The following NWD2 variants were observed in gnomAD, a reference collection of about 807,000 sequenced individuals.
NWD2 encodes the protein NACHT and WD repeat domain containing 2.
In NWD2, 37 loss-of-function variants were observed where a neutral mutation model predicts 132.7. The ratio of observed to expected loss-of-function variants is 0.28; its 90% CI spans 0.21 to 0.37. NWD2 has a LOEUF of 0.37. Among genes scored for constraint, NWD2 ranks in the 10% least tolerant of loss-of-function variants. NWD2 has a pLI of 1.00. For missense variants in NWD2, 1,592 were observed against 2,122.4 expected (o/e 0.75, Z 4.91); for synonymous variants, 705 against 803.0 (o/e 0.88, Z 2.06).
At chr4:37,434,934 A>G (rs1221469692) in intron 5 of NWD2, among the ~76,000 whole-genome samples, 1 of 152,106 alleles carries the variant, frequency 6.6e-6, no homozygotes. Flanking sequence ...CTAATTTAGC[A>G]TTAAAATAAA....
rs1270940983 is a variant in NWD2, at chr4:37,306,973, G to A, written c.152-18963G>A. Among the ~76,000 whole-genome samples the A allele has an allele frequency of 4.6e-5, 7 of 150,858 alleles. No homozygotes were observed. In the East Asian group the frequency reaches 5.9e-4, roughly 13 times the overall value. ...CGGGAGGTGGAGGTTGTAGTGAGCC[G>A]AGATTGCGCCACTGCACTCCAGCCT... On this transcript the variant is annotated intron_variant, in intron 1 of 6. Coordinates refer to ENST00000309447, the MANE Select transcript of NWD2 (RefSeq NM_001144990.2).
At chr4:37,426,376 T>C (rs563474118) in intron 3 of NWD2, among the ~76,000 whole-genome samples, 1 of 152,306 alleles carries the variant, frequency 6.6e-6, no homozygotes, top group African/African-American at 2.4e-5. Flanking sequence ...TATTATTACT[T>C]TTCTGAAGTT....
intron 3 of NWD2, among the ~76,000 whole-genome samples, chr4:37,428,356 G>A (rs1341244387): frequency 6.6e-6 from 1 of 152,194 alleles, no homozygotes; most frequent in Admixed American, 6.5e-5. Flanking sequence ...AGATTGAACA[G>A]AAAGTGTCTC....
At chr4:37,338,178 T>C (rs1719448276) in intron 2 of NWD2, among the ~76,000 whole-genome samples, 1 of 152,234 alleles carries the variant, frequency 6.6e-6, no homozygotes, top group Non-Finnish European at 1.5e-5. Flanking sequence ...TCATTGAGTC[T>C]AAGATGCATG....
In NWD2 at chr4:37,245,163, T is replaced by C. The variant is rs752454124; in HGVS notation, c.96T>C (p.Ser32=). The C allele has an allele frequency of 6.5e-6, 10 of 1,546,182 alleles. No individual in the cohort carries two copies. Among genetic ancestry groups the C allele is most frequent in the Non-Finnish European group, 8.7e-6 (10 of 1,146,290 alleles). Residue 32 remains serine (S), a synonymous_variant, in exon 1 of 7, where the codon TCT becomes TCC. Transcript: ENST00000309447. ...AFSGNLTALP[S]HLVPAGRSVR... ...CTGGGAACCTCACGGCCCTGCCCTC[T>C]CACCTCGTGCCCGCCGGCCGCAGCG...
intron 1 of NWD2, among the ~76,000 whole-genome samples, chr4:37,323,424 A>G (rs1488576745): frequency 6.6e-6 from 1 of 152,214 alleles, no homozygotes. Flanking sequence ...GCAAGTGGCC[A>G]AGAAACATGA....
intron 3 of NWD2, among the ~76,000 whole-genome samples, chr4:37,402,780 C>A (rs1720921929): frequency 6.6e-6 from 1 of 152,306 alleles, no homozygotes; most frequent in Non-Finnish European, 1.5e-5. Flanking sequence ...ATTTCCTCAT[C>A]TCTGAAATGA....
chr4:37,390,409 A>ATGG (rs3064358), intron 3 of NWD2, among the ~76,000 whole-genome samples: 1 of 150,004 alleles, frequency 6.7e-6, no homozygotes, highest in South Asian at 2.1e-4. Context: ...ATAATCTGAA[A>ATGG]TTTTTTTTTT....
chr4:37,365,826 C>A (rs1277525057), intron 3 of NWD2, among the ~76,000 whole-genome samples: 1 of 152,092 alleles, frequency 6.6e-6, no homozygotes, highest in Non-Finnish European at 1.5e-5. Context: ...TGTAAGAAAG[C>A]ATTTTTTTAT....
At chr4:37,268,631 AG>A (rs746553615) in intron 1 of NWD2, among the ~76,000 whole-genome samples, 8 of 151,900 alleles carry the variant, frequency 5.3e-5, no homozygotes, top group Admixed American at 2.0e-4. Flanking sequence ...TTATGTAGAA[AG>A]ATCATTCATT....
At chr4:37,264,973 G>T (rs994877994) in intron 1 of NWD2, among the ~76,000 whole-genome samples, 2 of 152,048 alleles carry the variant, frequency 1.3e-5, no homozygotes, top group Non-Finnish European at 2.9e-5. Context: ...GGTAGAATGA[G>T]CCAGGAAACT....
intron 1 of NWD2, among the ~76,000 whole-genome samples, chr4:37,253,787 A>G (rs571815231): frequency 1.2e-4 from 19 of 152,356 alleles, no homozygotes; most frequent in Non-Finnish European, 2.2e-4. Context: ...GTAGATTGAT[A>G]TGCAGCAATA....
chr4:37,245,899 T>G (rs901484474), intron 1 of NWD2, among the ~76,000 whole-genome samples: 1 of 152,192 alleles, frequency 6.6e-6, no homozygotes, highest in Non-Finnish European at 1.5e-5. Context: ...AGGCACCTGG[T>G]AGGCACTCCA....
intron 3 of NWD2, among the ~76,000 whole-genome samples, chr4:37,392,125 TG>T (rs1460393285): frequency 6.6e-6 from 1 of 152,092 alleles, no homozygotes; most frequent in East Asian, 1.9e-4. Flanking sequence ...TGCTGGAACC[TG>T]GGAGGCAGAG....
intron 1 of NWD2, among the ~76,000 whole-genome samples, chr4:37,265,903 G>A (rs781327464): frequency 6.6e-6 from 1 of 151,928 alleles, no homozygotes; most frequent in African/African-American, 2.4e-5. Context: ...CTTTCAGGGG[G>A]CCATTATTTA....
intron 5 of NWD2, among the ~76,000 whole-genome samples, chr4:37,434,641 G>GA (rs951544851): frequency 1.4e-4 from 22 of 152,174 alleles, no homozygotes; most frequent in African/African-American, 5.1e-4. Context: ...AATTACGGAA[G>GA]AAAATCAGAA....
intron 2 of NWD2, among the ~76,000 whole-genome samples, chr4:37,333,181 A>G (rs1397608100): frequency 6.6e-6 from 1 of 152,168 alleles, no homozygotes; most frequent in Non-Finnish European, 1.5e-5. Context: ...CCTAAAGGGA[A>G]GGACACAAAC....
At chr4:37,287,533 A>G (rs1027258648) in intron 1 of NWD2, among the ~76,000 whole-genome samples, 1 of 152,228 alleles carries the variant, frequency 6.6e-6, no homozygotes, top group Non-Finnish European at 1.5e-5. Context: ...TACGGTGGCC[A>G]GAGCACCTCT....
chr4:37,417,588 A>T (rs1322715411), intron 3 of NWD2, among the ~76,000 whole-genome samples: 1 of 152,176 alleles, frequency 6.6e-6, no homozygotes, highest in African/African-American at 2.4e-5. Flanking sequence ...CTTTAAAAAG[A>T]TCTATTGGAA....
Sources: gnomAD v4.1 joint callset for allele counts (sites outside exome capture counted in the v4.1 genomes callset) on GRCh38, gnomAD v4.1.1 for gene constraint, MANE v1.5 for transcripts, NCBI Gene and HGNC (gene_info 2026-07-23, HGNC 2026-07-21) for gene names.